Variants in CEP192 observed in about 807,000 individuals in gnomAD.
CEP192 encodes centrosomal protein of 192 kDa.
Under a neutral mutation model 271.8 loss-of-function variants are expected in CEP192, and 151 were observed. The ratio of observed to expected loss-of-function variants is 0.56; its 90% confidence interval spans 0.49 to 0.64. CEP192 has a LOEUF of 0.64. Among genes scored for constraint, CEP192 ranks in the 30% least tolerant of loss-of-function variants. The pLI, the probability that CEP192 is intolerant of heterozygous loss-of-function variation, is 0.00. For missense variants in CEP192, 2,910 were observed against 3,020.5 expected (o/e 0.96, Z 0.86); for synonymous variants, 995 against 1,076.5 (o/e 0.92, Z 1.48).
At chr18:13,048,797 G>C in intron 15 of CEP192, 62 bp from the exon 16 acceptor site, 1 of 1,096,718 alleles carries the variant, frequency 9.1e-7, no homozygotes, top group East Asian at 2.4e-5. Flanking sequence ...GATAATGGGG[G>C]ACTAATGAAT....
intron 21 of CEP192, among the ~76,000 whole-genome samples, chr18:13,066,965 G>GTGTGTGTGTGTGTGTA (rs756218383): frequency 9.2e-6 from 1 of 109,024 alleles, no homozygotes; most frequent in African/African-American, 3.2e-5. Flanking sequence ...GAGCACGTCT[G>GTGTGTGTGTGTGTGTA]TGTGTGTGTG....
intron 6 of CEP192, 112 bp downstream of exon 6, chr18:13,015,560 T>G: frequency 1.1e-6 from 1 of 946,534 alleles, no homozygotes; most frequent in Non-Finnish European, 1.6e-6. Context: ...CCTTACCTTT[T>G]CTTCCTACCT....
intron 21 of CEP192, among the ~76,000 whole-genome samples, chr18:13,067,210 T>G (rs989087959): frequency 6.6e-6 from 1 of 152,218 alleles, no homozygotes; most frequent in African/African-American, 2.4e-5. Context: ...TTATGTTAGG[T>G]GTTTGAAGTA....
chr18:13,026,959 A>T (rs1257850142), intron 9 of CEP192, among the ~76,000 whole-genome samples: 1 of 151,816 alleles, frequency 6.6e-6, no homozygotes, highest in Non-Finnish European at 1.5e-5. Context: ...TTTTCTTGTT[A>T]GCTGGACGTG....
At chr18:13,000,822 G>A (rs903817273) in intron 2 of CEP192, among the ~76,000 whole-genome samples, 30 of 152,262 alleles carry the variant, frequency 2.0e-4, no homozygotes, top group African/African-American at 6.7e-4. Context: ...GCGTGATGGC[G>A]CACGCCTCTA....
intron 3 of CEP192, among the ~76,000 whole-genome samples, chr18:13,005,181 G>T (rs998840666): frequency 1.3e-5 from 2 of 152,290 alleles, no homozygotes; most frequent in South Asian, 2.1e-4. Context: ...GTCCCCACTT[G>T]TCAGAGCTTG....
At chr18:13,019,009 G>T (rs1425459418) in intron 8 of CEP192, 73 bp from the exon 9 acceptor site, 2 of 1,360,158 alleles carry the variant, frequency 1.5e-6, no homozygotes, top group East Asian at 2.8e-5. Flanking sequence ...AATTTGACTG[G>T]CAAGAATCAG....
chr18:13,111,792 A>T (rs1378146730), intron 40 of CEP192, among the ~76,000 whole-genome samples: 3 of 152,224 alleles, frequency 2.0e-5, no homozygotes, highest in Admixed American at 2.0e-4. Context: ...AAATGGCCCA[A>T]TTTTTTAAGT....
At position 13,085,145 on chromosome 18, in the gene CEP192, C is replaced by T. The variant is rs534277510; in HGVS notation, c.5617-1872C>T. ...TGGTCGATTTGCATTTCTCTAATAA[C>T]CAGTAATGATGAGCTTTTTTTCACG... On this transcript the variant is annotated intron_variant, in intron 30 of 44. Coordinates refer to ENST00000506447, the MANE Select transcript of CEP192 (RefSeq NM_032142.4). Among the ~76,000 whole-genome samples, 14 of 152,154 alleles carry T rather than the reference C, an allele frequency of 9.2e-5. No individual in the cohort carries two copies. In the South Asian group the frequency reaches 2.9e-3, roughly 32 times the overall value.
At chr18:13,008,345 C>T (rs1438784763) in intron 3 of CEP192, 111 bp from the exon 4 acceptor site, 2 of 729,966 alleles carry the variant, frequency 2.7e-6, no homozygotes, top group Non-Finnish European at 4.5e-6. Context: ...CTTTTTATTG[C>T]TTCCATTTTT....
intron 21 of CEP192, among the ~76,000 whole-genome samples, chr18:13,065,976 T>G (rs2037676917): frequency 6.6e-6 from 1 of 152,186 alleles, no homozygotes. Context: ...TCACTAGTAA[T>G]TCGGTCACCA....
intron 20 of CEP192, 116 bp downstream of exon 20, chr18:13,057,849 A>G: frequency 1.1e-6 from 1 of 873,200 alleles, no homozygotes; most frequent in Admixed American, 2.6e-5. Flanking sequence ...GCACACAGTC[A>G]TTGCCATGGT....
At chr18:13,105,122 G>T in intron 40 of CEP192, 43 bp downstream of exon 40, 3 of 1,342,496 alleles carry the variant, frequency 2.2e-6, no homozygotes, top group Non-Finnish European at 1.1e-6. Context: ...CATGTAAATT[G>T]TCCAGGAGTG....
In CEP192 at chr18:13,018,477, C is replaced by G. The variant is rs1453012269; in HGVS notation, c.790-3C>G. Reference sequence around the variant, plus strand: ...TAATACAGCTAAGATATTCTTTCAACAGGCAAATGAAAACGGTAGCTTAAA... The same window carrying G: ...TAATACAGCTAAGATATTCTTTCAAGAGGCAAATGAAAACGGTAGCTTAAA... On this transcript the variant is annotated splice_polypyrimidine_tract_variant and splice_region_variant and intron_variant, in intron 7 of 44. Transcript: ENST00000506447. 2 of 1,503,772 alleles carry G rather than the reference C, an allele frequency of 1.3e-6. No individual in the cohort carries two copies. Among genetic ancestry groups the G allele is most frequent in the Non-Finnish European group, 1.8e-6 (2 of 1,118,486 alleles). The allele number at this position is 1,503,772 out of a possible 1,614,324, so 93.2% of individuals were successfully genotyped here.
intron 15 of CEP192, among the ~76,000 whole-genome samples, chr18:13,043,245 G>T (rs763322918): frequency 6.6e-6 from 1 of 152,210 alleles, no homozygotes; most frequent in Non-Finnish European, 1.5e-5. Context: ...CGTTTTATTT[G>T]ATTTGTAGGT....
At chr18:13,086,652 C>A (rs1451934806) in intron 30 of CEP192, among the ~76,000 whole-genome samples, 6 of 152,176 alleles carry the variant, frequency 3.9e-5, no homozygotes, top group African/African-American at 1.4e-4. Flanking sequence ...GCCACCAGTT[C>A]ATCTTTTTAG....
intron 35 of CEP192, 147 bp downstream of exon 35, chr18:13,095,828 C>G: frequency 1.4e-6 from 1 of 711,334 alleles, no homozygotes; most frequent in South Asian, 2.0e-5. Context: ...TGTTGGAGAC[C>G]CCACTCAGAC....
chr18:13,044,041 C>G (rs1358996260), intron 15 of CEP192, among the ~76,000 whole-genome samples: 1 of 151,994 alleles, frequency 6.6e-6, no homozygotes, highest in Non-Finnish European at 1.5e-5. Context: ...TGTAAATGTA[C>G]AATTAAATTA....
chr18:13,064,980 A>G (rs1029614682), intron 21 of CEP192, among the ~76,000 whole-genome samples: 3 of 152,054 alleles, frequency 2.0e-5, no homozygotes, highest in African/African-American at 7.2e-5. Context: ...ACTTTTCATT[A>G]TAGAGGTCTT....
Sources: allele counts gnomAD v4.1 joint callset (sites outside exome capture counted in the v4.1 genomes callset), GRCh38; gene constraint gnomAD v4.1.1; transcripts MANE v1.5; gene names NCBI Gene and HGNC (gene_info 2026-07-23, HGNC 2026-07-21).